Variants in GLT8D1 observed in about 807,000 individuals in gnomAD.
The protein encoded by GLT8D1 is glycosyltransferase 8 domain containing 1.
In GLT8D1, 41 loss-of-function variants were observed where a neutral mutation model predicts 46.2. That is an observed-to-expected ratio of 0.89 (90% CI 0.69 to 1.15). GLT8D1 has a LOEUF of 1.15. Among genes scored for constraint, GLT8D1 ranks in the 50% most tolerant of loss-of-function variants. GLT8D1 has a pLI of 0.00. For missense variants in GLT8D1, 408 were observed against 449.3 expected (o/e 0.91, Z 0.83); for synonymous variants, 150 against 154.2 (o/e 0.97, Z 0.20).
intron 1 of GLT8D1, among the ~76,000 whole-genome samples, chr3:52,704,469 A>G (rs2097342089): frequency 1.3e-5 from 2 of 150,974 alleles, no homozygotes; most frequent in South Asian, 4.2e-4. Context: ...AAAAAAAAAA[A>G]AAAAAAAAAA....
chr3:52,696,277 G>T lies in GLT8D1; in HGVS notation c.489C>A (p.Ser163Arg). 3 of 1,612,478 alleles carry T rather than the reference G, an allele frequency of 1.9e-6. No individual in the cohort carries two copies. The highest frequency in any genetic ancestry group is 2.5e-6 in the Non-Finnish European group (3 of 1,178,546). Reference protein sequence around the residue: ...ARFYLPILVPSAKKAIYMDDD... With the variant: ...ARFYLPILVPRAKKAIYMDDD... ...CATCCATGTATATGGCCTTCTTTGC[G>T]CTGGGAACCAGAATTGGCAAGTAGA... Residue 163 changes from serine (S) to arginine (R), a missense_variant, in exon 6 of 10, where the codon AGC (serine) becomes AGA (arginine). Transcript: ENST00000266014.
At chr3:52,700,564 CTT>C (rs78696896) in intron 1 of GLT8D1, 68 bp from the exon 2 acceptor site, 15,154 of 510,462 alleles carry the variant, frequency 0.03, no homozygotes, top group South Asian at 0.048. Flanking sequence ...TGCCCTAACA[CTT>C]TTTTTTTTTT....
intron 1 of GLT8D1, 84 bp from the exon 2 acceptor site, chr3:52,700,580 A>G: frequency 1.7e-6 from 1 of 590,886 alleles, no homozygotes; most frequent in Non-Finnish European, 3.0e-6. Context: ...TTTTTTTTTT[A>G]ATTCAGGAAG....
chr3:52,699,064 T>TGCTTAC (rs1033432978), intron 3 of GLT8D1, among the ~76,000 whole-genome samples: 2 of 151,828 alleles, frequency 1.3e-5, no homozygotes, highest in South Asian at 2.1e-4. Flanking sequence ...CACAGTGACA[T>TGCTTAC]GATATACAGA....
rs1270763348 is a variant in GLT8D1, at chr3:52,694,710, C to A, written c.*135G>T. The A allele has an allele frequency of 2.8e-6, 2 of 708,922 alleles. No individual in the cohort carries two copies. The highest frequency in any genetic ancestry group is 2.0e-5 in the Admixed American group (1 of 49,552). The allele number at this position is 708,922 out of a possible 1,614,324, so 43.9% of individuals were successfully genotyped here. Reference sequence around the variant, plus strand: ...CTGACTGCCAGACAGGGCAGTTTGTCATCTTTACCTAGCTGACACATCTTT... The same window carrying A: ...CTGACTGCCAGACAGGGCAGTTTGTAATCTTTACCTAGCTGACACATCTTT... On this transcript the variant is annotated 3_prime_UTR_variant, in exon 10 of 10. Transcript: ENST00000266014.
At chr3:52,703,134 C>T (rs1404258591) in intron 1 of GLT8D1, 3 of 150,970 alleles carry the variant, frequency 2.0e-5, no homozygotes, top group Non-Finnish European at 4.4e-5. Flanking sequence ...TGAACTTCTT[C>T]TCATATACAT....
chr3:52,703,743 T>C (rs897330773), intron 1 of GLT8D1: 4 of 152,200 alleles, frequency 2.6e-5, no homozygotes, highest in Non-Finnish European at 4.4e-5. Context: ...CTGACATACT[T>C]AAGTAGACTG....
At position 52,694,563 on chromosome 3, in the gene GLT8D1, T is replaced by C. The variant is rs2097330865; in HGVS notation, c.*282A>G. The C allele has an allele frequency of 1.7e-6, 1 of 586,166 alleles. No individual in the cohort carries two copies. Among genetic ancestry groups the C allele is most frequent in the African/African-American group, 1.9e-5 (1 of 53,666 alleles). 36.3% of individuals were successfully genotyped at this position (586,166 alleles called of 1,614,324 possible). A position where few individuals can be genotyped will look rare whatever the true frequency, so the allele number is the denominator to read the frequency against. On this transcript the variant is annotated 3_prime_UTR_variant, in exon 10 of 10. Transcript: ENST00000266014. ...TAAAACCAACAGCAGTTTTGAATTATCTGTACCAGCTAGCTGAACTAGCCA... is the reference window on the plus strand; with the variant it reads ...TAAAACCAACAGCAGTTTTGAATTACCTGTACCAGCTAGCTGAACTAGCCA...
chr3:52,696,595 GT>G lies in GLT8D1; in HGVS notation c.393del (p.Lys131AsnfsTer7), dbSNP rs1308367710. 1.9e-6 allele frequency: 3 copies of G among 1,611,786 alleles called. No individual in the cohort carries two copies. Among genetic ancestry groups the G allele is most frequent in the Admixed American group, 1.7e-5 (1 of 60,010 alleles). ...IRYKIVNFDPKLLEGKVKEDP... is the reference protein window; with the variant it reads ...IRYKIVNFDPXLLEGKVKEDP... ...TCCTCCTTTACTTTTCCTTCCAAAA[GT>G]TTAGGGTCAAAATTGACAATTTTGT... On this transcript the variant is annotated frameshift_variant, in exon 5 of 10. Coordinates refer to ENST00000266014, the MANE Select transcript of GLT8D1 (RefSeq NM_018446.4). LOFTEE classifies it high-confidence loss of function.
At chr3:52,702,803 T>C (rs910633971) in intron 1 of GLT8D1, among the ~76,000 whole-genome samples, 1 of 151,344 alleles carries the variant, frequency 6.6e-6, no homozygotes, top group Admixed American at 6.6e-5. Flanking sequence ...TTTTTTTTTT[T>C]CGAGACAGAG....
chr3:52,696,379 G>C (rs1257406927), intron 5 of GLT8D1, 61 bp from the exon 6 acceptor site: 13 of 1,213,230 alleles, frequency 1.1e-5, no homozygotes, highest in African/African-American at 3.0e-5. Flanking sequence ...TATTTACACA[G>C]AAACTCCTAG....
chr3:52,703,785 CCA>C (rs1169272608), intron 1 of GLT8D1: 7 of 152,204 alleles, frequency 4.6e-5, no homozygotes, highest in African/African-American at 1.4e-4. Context: ...CCTAAAACTT[CCA>C]CAGTTACCTA....
Position 52,700,294 on chromosome 3 carries a change from C to T in GLT8D1, c.83G>A (p.Ser28Asn), listed in dbSNP as rs1407042571. Residue 28 changes from serine to asparagine, a missense_variant, in exon 3 of 10, where the codon AGC (serine) becomes AAC (asparagine). Coordinates refer to ENST00000266014, the MANE Select transcript of GLT8D1 (RefSeq NM_018446.4). ...CTCATTCCTTAACAAACTGCTCAAGCTGAGGAAGTTATGGTGCAAAACCAG... is the reference window on the plus strand; with the variant it reads ...CTCATTCCTTAACAAACTGCTCAAGTTGAGGAAGTTATGGTGCAAAACCAG... ...FLLVLHHNFL[S>N]LSSLLRNEVT... 8.7e-6 allele frequency: 14 copies of T among 1,613,344 alleles called. No homozygotes were observed. Among genetic ancestry groups the T allele is most frequent in the Non-Finnish European group, 1.0e-5 (12 of 1,179,464 alleles).
At chr3:52,695,835 G>A (rs1361212324) in intron 7 of GLT8D1, 93 bp downstream of exon 7, 1 of 740,434 alleles carries the variant, frequency 1.4e-6, no homozygotes, top group Non-Finnish European at 2.4e-6. Flanking sequence ...AATGATTGGG[G>A]AGTGTAAATT....
rs756193263 is a variant in GLT8D1 at position 52,696,538 on chromosome 3, T to G, written c.447+4A>C. On this transcript the variant is annotated splice_donor_region_variant and intron_variant, in intron 5 of 9. Coordinates refer to ENST00000266014, the MANE Select transcript of GLT8D1 (RefSeq NM_018446.4). ...AAGTGCAAAGAAGGATGCATGGAAC[T>G]CACAGGTTTCATGGATTCCCCCTGG... The G allele has an allele frequency of 9.7e-6, 14 of 1,443,512 alleles. No homozygotes were observed. In the South Asian group the frequency reaches 1.6e-4, roughly 16 times the overall value. 89.4% of individuals were successfully genotyped at this position (1,443,512 alleles called of 1,614,324 possible). A position where few individuals can be genotyped will look rare whatever the true frequency, so the allele number is the denominator to read the frequency against.
At chr3:52,695,346 A>ACTAACTC in intron 8 of GLT8D1, 44 bp from the exon 9 acceptor site, 1 of 1,583,578 alleles carries the variant, frequency 6.3e-7, no homozygotes, top group African/African-American at 1.3e-5. Context: ...AAAAGTACTG[A>ACTAACTC]CTAACTCCTG....
intron 1 of GLT8D1, chr3:52,701,236 G>C (rs1240534145): frequency 2.7e-5 from 4 of 148,564 alleles, no homozygotes. Flanking sequence ...TCAGAGAAAA[G>C]AATATTATCC....
At position 52,700,500 on chromosome 3, in the gene GLT8D1, C is replaced by A; in HGVS notation, c.-36-4G>T. 6.8e-7 allele frequency: 1 copy of A among 1,471,356 alleles called. No individual in the cohort carries two copies. Among genetic ancestry groups the A allele is most frequent in the Non-Finnish European group, 9.4e-7 (1 of 1,065,044 alleles). 91.1% of individuals were successfully genotyped at this position (1,471,356 alleles called of 1,614,324 possible). A position where few individuals can be genotyped will look rare whatever the true frequency, so the allele number is the denominator to read the frequency against. ...ATATAAATATTAGTTTTTAACCCTACAAAACAAAAACAAGCCCCCAAAGTC... is the reference window on the plus strand; with the variant it reads ...ATATAAATATTAGTTTTTAACCCTAAAAAACAAAAACAAGCCCCCAAAGTC... On this transcript the variant is annotated splice_region_variant and splice_polypyrimidine_tract_variant and intron_variant, in intron 1 of 9. Coordinates refer to ENST00000266014, the MANE Select transcript of GLT8D1 (RefSeq NM_018446.4).
intron 6 of GLT8D1, 26 bp downstream of exon 6, chr3:52,696,208 A>G: frequency 6.9e-7 from 1 of 1,459,324 alleles, no homozygotes; most frequent in Non-Finnish European, 9.6e-7. Context: ...GGTGGAGAAC[A>G]GCACTCATGG....
Sources: gnomAD v4.1 joint callset for allele counts (sites outside exome capture counted in the v4.1 genomes callset) on GRCh38, gnomAD v4.1.1 for gene constraint, MANE v1.5 for transcripts, NCBI Gene and HGNC (gene_info 2026-07-23, HGNC 2026-07-21) for gene names.